The following TMED3 variants were observed in gnomAD, a reference collection of about 807,000 sequenced individuals.
TMED3 encodes transmembrane p24 trafficking protein 3, also known as transmembrane emp24 domain-containing protein 3.
TMED3 carries 9 observed loss-of-function variants against 15.0 expected under a neutral mutation model. That is an observed-to-expected ratio of 0.60 (90% CI 0.36 to 1.04). TMED3 has a LOEUF of 1.04. Among genes scored for constraint, TMED3 ranks in the 50% least tolerant of loss-of-function variants. TMED3 has a pLI of 0.01. For synonymous variants in TMED3, 117 were observed against 121.4 expected (o/e 0.96, Z 0.24); for missense variants, 267 against 278.9 (o/e 0.96, Z 0.30).
intron 2 of TMED3, among the ~76,000 whole-genome samples, chr15:79,353,200 A>AT (rs60892319): frequency 3.7e-4 from 34 of 92,950 alleles, no homozygotes; most frequent in Non-Finnish European, 5.4e-4. Context: ...TATAATATAT[A>AT]AAATATATAT....
At chr15:79,335,319 T>C (rs2058823390) in intron 2 of TMED3, among the ~76,000 whole-genome samples, 1 of 151,964 alleles carries the variant, frequency 6.6e-6, no homozygotes. Context: ...CATTGAAGTT[T>C]CATCAAACAA....
intron 2 of TMED3, among the ~76,000 whole-genome samples, chr15:79,339,964 T>TCTGAGCC (rs1409491627): frequency 6.6e-6 from 1 of 151,924 alleles, no homozygotes; most frequent in African/African-American, 2.4e-5. Flanking sequence ...CTGATCTAGC[T>TCTGAGCC]CTGAGCCACA....
intron 2 of TMED3, among the ~76,000 whole-genome samples, chr15:79,378,435 G>C (rs1198977325): frequency 1.3e-5 from 2 of 152,158 alleles, no homozygotes; most frequent in African/African-American, 4.8e-5. Context: ...TGATTTTATG[G>C]CTTCTCCATC....
chr15:79,372,353 C>T (rs1262109024), intron 2 of TMED3, among the ~76,000 whole-genome samples: 2 of 152,322 alleles, frequency 1.3e-5, no homozygotes, highest in East Asian at 3.9e-4. Flanking sequence ...CTAAGGTCCT[C>T]ACCTTCTCTG....
chr15:79,408,559 G>C (rs1567041767), intron 2 of TMED3, among the ~76,000 whole-genome samples: 1 of 152,230 alleles, frequency 6.6e-6, no homozygotes, highest in Non-Finnish European at 1.5e-5. Context: ...GCCTAAATGT[G>C]AGTGAGAGGA....
chr15:79,343,111 T>A (rs1351185114), intron 2 of TMED3, among the ~76,000 whole-genome samples: 1 of 152,058 alleles, frequency 6.6e-6, no homozygotes, highest in African/African-American at 2.4e-5. Context: ...AGATAAGAAT[T>A]GGTGTGGCAG....
intron 2 of TMED3, among the ~76,000 whole-genome samples, chr15:79,384,988 G>C (rs1188795102): frequency 6.6e-6 from 1 of 152,178 alleles, no homozygotes; most frequent in Non-Finnish European, 1.5e-5. Context: ...TCTCACATTG[G>C]GACTGATTAG....
intron 2 of TMED3, among the ~76,000 whole-genome samples, chr15:79,374,661 CA>C (rs1893396601): frequency 3.9e-5 from 6 of 152,154 alleles, no homozygotes; most frequent in Admixed American, 2.6e-4. Flanking sequence ...GTCTCTCTGC[CA>C]AATGCCTGCC....
In TMED3 at chr15:79,322,320, T is replaced by A; in HGVS notation, c.*106T>A. 1 of 1,512,504 alleles carries A rather than the reference T, an allele frequency of 6.6e-7. No individual in the cohort carries two copies. The highest frequency in any genetic ancestry group is 8.8e-7 in the Non-Finnish European group (1 of 1,133,578). 93.7% of individuals were successfully genotyped at this position (1,512,504 alleles called of 1,614,324 possible). ...GTAGCCCAGGGTGGAGGCAGAACGA[T>A]GCTGCTGTGGTAGCCCTTTGCCTTT... On this transcript the variant is annotated 3_prime_UTR_variant, in exon 3 of 3. Coordinates refer to ENST00000299705, the MANE Select transcript of TMED3 (RefSeq NM_007364.4).
intron 2 of TMED3, among the ~76,000 whole-genome samples, chr15:79,364,200 G>A (rs28419089): frequency 0.24 from 37,132 of 152,024 alleles, 4,563 homozygotes; most frequent in South Asian, 0.3. Context: ...ATGGGACTGG[G>A]TTCCCTATTT....
chr15:79,363,738 A>G (rs1309528179), intron 2 of TMED3, among the ~76,000 whole-genome samples: 2 of 152,200 alleles, frequency 1.3e-5, no homozygotes, highest in East Asian at 1.9e-4. Context: ...GGCAGATTTG[A>G]TTATTTTTGT....
downstream of TMED3, among the ~76,000 whole-genome samples, chr15:79,327,098 A>G (rs7165220): frequency 0.18 from 27,502 of 152,148 alleles, 2,475 homozygotes; most frequent in Admixed American, 0.24. Context: ...GGACAGCATC[A>G]AGCCATCCAT....
At chr15:79,335,659 T>C (rs1296400468) in intron 2 of TMED3, among the ~76,000 whole-genome samples, 1 of 152,142 alleles carries the variant, frequency 6.6e-6, no homozygotes, top group African/African-American at 2.4e-5. Context: ...ATTTCATCCA[T>C]TAAAATATAC....
Position 79,353,057 on chromosome 15 carries a change from GTA to G in TMED3, c.417+39059_417+39060del, listed in dbSNP as rs1567030345. On this transcript the variant is annotated intron_variant, in intron 2 of 2. Transcript: ENST00000424155. ...TATATATATTATATATATAAAAAAT[GTA>G]TATATAAAAATATATATTATATATA... Among the ~76,000 whole-genome samples, 72 of 76,576 alleles carry G rather than the reference GTA, an allele frequency of 9.4e-4. 1 individual carries two copies. In the East Asian group the frequency reaches 0.023, roughly 25 times the overall value. 50.2% of individuals were successfully genotyped at this position (76,576 alleles called of 152,430 possible).
downstream of TMED3, among the ~76,000 whole-genome samples, chr15:79,324,163 T>C (rs2058779001): frequency 6.6e-6 from 1 of 152,166 alleles, no homozygotes; most frequent in African/African-American, 2.4e-5. Context: ...GCTAATTTTT[T>C]TGTATTTTTA....
intron 2 of TMED3, among the ~76,000 whole-genome samples, chr15:79,348,985 C>G (rs1008599221): frequency 6.6e-6 from 1 of 152,120 alleles, no homozygotes. Flanking sequence ...ACTACAGGTG[C>G]ACACCACCAT....
intron 2 of TMED3, among the ~76,000 whole-genome samples, chr15:79,337,847 T>C (rs573582974): frequency 3.3e-5 from 5 of 152,372 alleles, no homozygotes; most frequent in African/African-American, 1.2e-4. Flanking sequence ...TACAATGATA[T>C]TCACTGCAGC....
intron 2 of TMED3, among the ~76,000 whole-genome samples, chr15:79,340,259 C>T (rs2058846852): frequency 6.6e-6 from 1 of 152,166 alleles, no homozygotes; most frequent in African/African-American, 2.4e-5. Context: ...AGGCACAAGC[C>T]ATGGTCTCCA....
chr15:79,407,043 G>A (rs1057061000), intron 2 of TMED3, among the ~76,000 whole-genome samples: 3 of 152,280 alleles, frequency 2.0e-5, no homozygotes, highest in Middle Eastern at 3.4e-3. Flanking sequence ...CCTCTTTCAC[G>A]TGTTTCCAGG....
Sources: allele counts gnomAD v4.1 joint callset (sites outside exome capture counted in the v4.1 genomes callset), GRCh38; gene constraint gnomAD v4.1.1; transcripts MANE v1.5; gene names NCBI Gene and HGNC (gene_info 2026-07-23, HGNC 2026-07-21).